Variants in CACNA2D3 observed in about 807,000 individuals in gnomAD.
CACNA2D3 encodes the protein calcium voltage-gated channel auxiliary subunit alpha2delta 3.
CACNA2D3 carries 60 observed loss-of-function variants against 160.6 expected under a neutral mutation model. The ratio of observed to expected loss-of-function variants is 0.37; its 90% CI spans 0.30 to 0.46. CACNA2D3 has a LOEUF of 0.46. Among genes scored for constraint, CACNA2D3 ranks in the 20% least tolerant of loss-of-function variants. The probability of loss-of-function intolerance (pLI) is 1.00; values close to 1 mark genes in which losing one functional copy is unlikely to be tolerated. For synonymous variants in CACNA2D3, 558 were observed against 492.9 expected (o/e 1.13, Z -1.75); for missense variants, 1,205 against 1,365.0 (o/e 0.88, Z 1.85).
chr3:55,007,914 A>T, intron 33 of CACNA2D3, 72 bp downstream of exon 33: 1 of 1,004,694 alleles, frequency 1.0e-6, no homozygotes, highest in Non-Finnish European at 1.4e-6. Context: ...GTGATCTAAG[A>T]GATTGTGAGT....
At chr3:54,397,744 G>T (rs1445979675) in intron 4 of CACNA2D3, among the ~76,000 whole-genome samples, 1 of 28,122 alleles carries the variant, frequency 3.6e-5, no homozygotes, top group Non-Finnish European at 6.2e-5. Context: ...CAAGTATGTG[G>T]TCAATTTTGG....
rs147825859 is a variant in CACNA2D3 at position 54,602,350 on chromosome 3, T to C, written c.963+20473T>C. On this transcript the variant is annotated intron_variant, in intron 9 of 37. Coordinates refer to ENST00000474759, the MANE Select transcript of CACNA2D3 (RefSeq NM_018398.3). Reference sequence around the variant, plus strand: ...CCATCTCTACAAACAATACAAAAATTAGCTGGGCATGGTGGCAAGCACCTG... The same window carrying C: ...CCATCTCTACAAACAATACAAAAATCAGCTGGGCATGGTGGCAAGCACCTG... Among the ~76,000 whole-genome samples, 100 of 151,906 alleles carry C rather than the reference T, an allele frequency of 6.6e-4. No individual in the cohort carries two copies. The East Asian group carries it at 0.014, about 21-fold the overall frequency.
chr3:54,997,749 T>A (rs576623015), intron 31 of CACNA2D3, among the ~76,000 whole-genome samples: 1 of 152,026 alleles, frequency 6.6e-6, no homozygotes, highest in Admixed American at 6.6e-5. Flanking sequence ...GAAAGAAAAT[T>A]TATTTGAAGT....
chr3:54,978,976 T>A (rs538478098), intron 29 of CACNA2D3, among the ~76,000 whole-genome samples: 1 of 152,246 alleles, frequency 6.6e-6, no homozygotes, highest in Non-Finnish European at 1.5e-5. Context: ...CTTGGCCTGA[T>A]TATTTGTATA....
intron 13 of CACNA2D3, among the ~76,000 whole-genome samples, chr3:54,786,227 C>T (rs1252202416): frequency 1.3e-5 from 2 of 152,164 alleles, no homozygotes; most frequent in Non-Finnish European, 2.9e-5. Context: ...TCTAGAGTAA[C>T]GGTCACTAAA....
chr3:54,626,299 T>A, intron 9 of CACNA2D3: 1 of 1,534,388 alleles, frequency 6.5e-7, no homozygotes, highest in South Asian at 1.2e-5. Context: ...GGACATGTCC[T>A]ACAAGCGGCT....
intron 2 of CACNA2D3, among the ~76,000 whole-genome samples, chr3:54,135,754 T>C (rs1224262249): frequency 4.6e-5 from 7 of 152,180 alleles, no homozygotes; most frequent in Non-Finnish European, 1.0e-4. Flanking sequence ...CCTACTCATT[T>C]AGAAGGAGAT....
At chr3:55,022,253 C>CT (rs1703471944) in intron 35 of CACNA2D3, among the ~76,000 whole-genome samples, 3 of 152,030 alleles carry the variant, frequency 2.0e-5, no homozygotes, top group African/African-American at 4.8e-5. Context: ...GCCCTAATGT[C>CT]TATTTGGTTT....
At chr3:54,750,959 A>G (rs1411145711) in intron 11 of CACNA2D3, among the ~76,000 whole-genome samples, 3 of 151,898 alleles carry the variant, frequency 2.0e-5, no homozygotes, top group African/African-American at 7.3e-5. Context: ...TTTAGTAGAG[A>G]TGGGGTTTCA....
At chr3:54,321,939 A>C (rs1246228447) in intron 3 of CACNA2D3, among the ~76,000 whole-genome samples, 2 of 152,076 alleles carry the variant, frequency 1.3e-5, no homozygotes, top group African/African-American at 2.4e-5. Context: ...AAAAAAAAAA[A>C]AAACTAGTAA....
chr3:54,625,241 A>G (rs1699071608), intron 9 of CACNA2D3, among the ~76,000 whole-genome samples: 1 of 152,232 alleles, frequency 6.6e-6, no homozygotes, highest in Admixed American at 6.5e-5. Context: ...GCTCAGGTAT[A>G]TGTCAAGCCC....
intron 34 of CACNA2D3, among the ~76,000 whole-genome samples, chr3:55,014,317 C>A (rs1424200235): frequency 1.3e-5 from 2 of 152,142 alleles, no homozygotes; most frequent in Non-Finnish European, 2.9e-5. Context: ...GCAGTGTCTG[C>A]TTCTGGAACC....
At chr3:54,824,405 G>C (rs994298012) in intron 14 of CACNA2D3, among the ~76,000 whole-genome samples, 2 of 152,156 alleles carry the variant, frequency 1.3e-5, no homozygotes, top group Admixed American at 6.5e-5. Flanking sequence ...GGACTACCTT[G>C]GCTTAAAAAT....
intron 35 of CACNA2D3, among the ~76,000 whole-genome samples, chr3:55,025,259 T>G (rs1422252807): frequency 6.6e-6 from 1 of 152,138 alleles, no homozygotes; most frequent in African/African-American, 2.4e-5. Flanking sequence ...TTTCATTCAG[T>G]AGGAATAGGA....
chr3:54,144,074 A>G (rs773043822), intron 2 of CACNA2D3, among the ~76,000 whole-genome samples: 1 of 152,252 alleles, frequency 6.6e-6, no homozygotes, highest in Non-Finnish European at 1.5e-5. Context: ...CTTATGATGC[A>G]AGAATATTCA....
chr3:54,899,717 A>G, intron 26 of CACNA2D3, 71 bp from the exon 27 acceptor site: 1 of 1,141,608 alleles, frequency 8.8e-7, no homozygotes, highest in Non-Finnish European at 1.3e-6. Flanking sequence ...CTGTAGACCG[A>G]TATGATTACT....
intron 4 of CACNA2D3, among the ~76,000 whole-genome samples, chr3:54,494,543 T>G (rs1701173175): frequency 6.6e-6 from 1 of 152,148 alleles, no homozygotes; most frequent in African/African-American, 2.4e-5. Context: ...GAGGCTTCAT[T>G]TTGCTATTTT....
chr3:55,014,672 C>T (rs146166959), intron 34 of CACNA2D3, among the ~76,000 whole-genome samples: 300 of 152,234 alleles, frequency 2.0e-3, no homozygotes, highest in African/African-American at 7.0e-3. Flanking sequence ...GCGGAGGTTG[C>T]AGTGAGCCGA....
At position 54,243,762 on chromosome 3, in the gene CACNA2D3, C is replaced by T. The variant is rs550289197; in HGVS notation, c.205-76680C>T. On this transcript the variant is annotated intron_variant, in intron 2 of 37. Transcript: ENST00000474759. ...CAACTGGGCAAAAAGCACCCGTGCT[C>T]TGACCCAGCTCTGCCGATTGCTAGC... Among the ~76,000 whole-genome samples the T allele has an allele frequency of 2.6e-5, 4 of 152,342 alleles. No homozygotes were observed. The East Asian group carries it at 7.7e-4, about 29-fold the overall frequency.
Sources: allele counts gnomAD v4.1 joint callset (sites outside exome capture counted in the v4.1 genomes callset), GRCh38; gene constraint gnomAD v4.1.1; transcripts MANE v1.5; gene names NCBI Gene and HGNC (gene_info 2026-07-23, HGNC 2026-07-21).